DPP10: variants seen among roughly 807,000 people sequenced by gnomAD.
DPP10 encodes dipeptidyl peptidase like 10.
DPP10 carries 33 observed loss-of-function variants against 120.9 expected under a neutral mutation model. The observed-to-expected ratio is 0.27, with a 90% CI of 0.21 to 0.37. The LOEUF is 0.37. Among genes scored for constraint, DPP10 ranks in the 10% least tolerant of loss-of-function variants. The pLI is 1.00. For synonymous variants in DPP10, 337 were observed against 326.1 expected (o/e 1.03, Z -0.36); for missense variants, 816 against 942.8 (o/e 0.87, Z 1.76).
intron 2 of DPP10, among the ~76,000 whole-genome samples, chr2:115,314,645 C>G (rs1443818537): frequency 1.3e-5 from 2 of 152,024 alleles, no homozygotes; most frequent in African/African-American, 4.8e-5. Context: ...AGAAGTGTCT[C>G]TAAGATTAAG....
At chr2:114,473,417 T>G (rs1364559533) in intron 1 of DPP10, among the ~76,000 whole-genome samples, 3 of 152,198 alleles carry the variant, frequency 2.0e-5, no homozygotes, top group Non-Finnish European at 4.4e-5. Context: ...GACAGTTATT[T>G]ACCATAGTTA....
At chr2:115,039,700 T>A (rs1336692358) in intron 1 of DPP10, among the ~76,000 whole-genome samples, 3 of 152,172 alleles carry the variant, frequency 2.0e-5, no homozygotes, top group Admixed American at 2.0e-4. Flanking sequence ...ATTCCTAGGT[T>A]TTTTGGTAGT....
At chr2:114,853,370 C>A (rs1192109549) in intron 1 of DPP10, among the ~76,000 whole-genome samples, 3 of 151,986 alleles carry the variant, frequency 2.0e-5, no homozygotes, top group East Asian at 3.9e-4. Flanking sequence ...TATACATCAG[C>A]AAGACCATCA....
chr2:115,446,725 C>G (rs1202610814), intron 3 of DPP10, among the ~76,000 whole-genome samples: 1 of 151,976 alleles, frequency 6.6e-6, no homozygotes, highest in Non-Finnish European at 1.5e-5. Flanking sequence ...CTTAGTGCAC[C>G]TAAAGGGAAA....
chr2:115,832,541 CAATT>C (rs371308821), intron 21 of DPP10, among the ~76,000 whole-genome samples: 15 of 151,406 alleles, frequency 9.9e-5, no homozygotes, highest in African/African-American at 2.7e-4. Flanking sequence ...GTTTAAAAAT[CAATT>C]AAAGAAGCAT....
chr2:115,687,742 T>A (rs956843051), intron 5 of DPP10, among the ~76,000 whole-genome samples: 7 of 152,034 alleles, frequency 4.6e-5, no homozygotes, highest in Non-Finnish European at 8.8e-5. Flanking sequence ...GGATTTACAA[T>A]TAGAGAACGA....
intron 21 of DPP10, among the ~76,000 whole-genome samples, chr2:115,817,314 G>A (rs1687354650): frequency 6.6e-6 from 1 of 152,082 alleles, no homozygotes; most frequent in African/African-American, 2.4e-5. Flanking sequence ...TACAAATAAA[G>A]CAAATTCTTG....
intron 5 of DPP10, among the ~76,000 whole-genome samples, chr2:115,631,622 A>G (rs1166837787): frequency 2.0e-5 from 3 of 152,038 alleles, no homozygotes; most frequent in Non-Finnish European, 4.4e-5. Flanking sequence ...CTTTGTTCTC[A>G]TTGGTTTCAA....
At chr2:115,077,870 G>A (rs748757654) in intron 1 of DPP10, among the ~76,000 whole-genome samples, 6 of 152,210 alleles carry the variant, frequency 3.9e-5, no homozygotes, top group Non-Finnish European at 7.3e-5. Flanking sequence ...CACTGGCAGA[G>A]GTTTAATGTT....
intron 1 of DPP10, among the ~76,000 whole-genome samples, chr2:115,188,974 A>G (rs1202995409): frequency 1.3e-5 from 2 of 152,236 alleles, no homozygotes; most frequent in Non-Finnish European, 2.9e-5. Flanking sequence ...TATAAAAATG[A>G]TTCAGAAAGG....
intron 1 of DPP10, among the ~76,000 whole-genome samples, chr2:115,257,840 T>G (rs2105726009): frequency 6.6e-6 from 1 of 152,284 alleles, no homozygotes; most frequent in South Asian, 2.1e-4. Context: ...TAAAATCATT[T>G]AATAGAATGG....
At chr2:114,517,667 T>G (rs897599492) in intron 1 of DPP10, among the ~76,000 whole-genome samples, 1 of 152,218 alleles carries the variant, frequency 6.6e-6, no homozygotes, top group Non-Finnish European at 1.5e-5. Context: ...CATCTTGAAA[T>G]GAAAACACAT....
chr2:114,833,359 A>G (rs1318004366), intron 1 of DPP10: 1 of 151,854 alleles, frequency 6.6e-6, no homozygotes, highest in Non-Finnish European at 1.5e-5. Flanking sequence ...CAATTAAATT[A>G]TCTAGATGTT....
At chr2:114,929,178 GA>G (rs1471442779) in intron 1 of DPP10, among the ~76,000 whole-genome samples, 1 of 152,128 alleles carries the variant, frequency 6.6e-6, no homozygotes, top group South Asian at 2.1e-4. Flanking sequence ...TCCCATGCTT[GA>G]ACGGACAATA....
intron 5 of DPP10, among the ~76,000 whole-genome samples, chr2:115,678,284 G>GA (rs2090417353): frequency 6.6e-6 from 1 of 152,188 alleles, no homozygotes; most frequent in African/African-American, 2.4e-5. Flanking sequence ...GGCTTAGGAG[G>GA]AAAAAATGGT....
At chr2:115,356,719 A>G (rs1274229958) in intron 3 of DPP10, among the ~76,000 whole-genome samples, 2 of 152,100 alleles carry the variant, frequency 1.3e-5, no homozygotes, top group South Asian at 2.1e-4. Context: ...TTATTTTGAG[A>G]TATGTTGCAT....
intron 1 of DPP10, among the ~76,000 whole-genome samples, chr2:115,198,421 T>G (rs1195555309): frequency 6.6e-6 from 1 of 152,218 alleles, no homozygotes; most frequent in African/African-American, 2.4e-5. Flanking sequence ...TAGTAGTGTA[T>G]GTACTCACAT....
At chr2:115,303,757 T>A (rs2061245881) in intron 1 of DPP10, among the ~76,000 whole-genome samples, 2 of 151,960 alleles carry the variant, frequency 1.3e-5, no homozygotes, top group African/African-American at 4.8e-5. Context: ...TATTCCCAGC[T>A]TCATCTTGTG....
At chr2:114,698,320 G>A (rs1039997115) in intron 1 of DPP10, among the ~76,000 whole-genome samples, 32 of 152,038 alleles carry the variant, frequency 2.1e-4, no homozygotes. Context: ...AGAATTAGCT[G>A]TCTGGGAAGT....
Sources: allele counts gnomAD v4.1 joint callset (sites outside exome capture counted in the v4.1 genomes callset), GRCh38; gene constraint gnomAD v4.1.1; transcripts MANE v1.5; gene names NCBI Gene and HGNC (gene_info 2026-07-23, HGNC 2026-07-21).